Variants in LARP1B observed in about 807,000 individuals in gnomAD.
LARP1B encodes la-related protein 1B.
Under a neutral mutation model 114.2 loss-of-function variants are expected in LARP1B, and 76 were observed. That is an observed-to-expected ratio of 0.67 (90% CI 0.55 to 0.81). The LOEUF (loss-of-function observed/expected upper bound fraction) is 0.81, where lower values mean the gene tolerates loss of function less well. LARP1B is among the 30% of genes least tolerant of loss of function. LARP1B has a pLI of 0.00. For synonymous variants in LARP1B, 345 were observed against 348.0 expected (o/e 0.99, Z 0.10); for missense variants, 1,014 against 1,075.8 (o/e 0.94, Z 0.80).
intron 12 of LARP1B, among the ~76,000 whole-genome samples, chr4:128,173,864 C>A (rs1046229871): frequency 8.5e-5 from 13 of 152,104 alleles, no homozygotes; most frequent in Non-Finnish European, 1.6e-4. Context: ...CACCACAGTC[C>A]GGTTTTAGAA....
chr4:128,145,259 G>A (rs961875940), intron 11 of LARP1B, among the ~76,000 whole-genome samples: 24 of 152,164 alleles, frequency 1.6e-4, no homozygotes, highest in African/African-American at 4.3e-4. Flanking sequence ...AGTGAGTCTA[G>A]AGTAGGTCTT....
At chr4:128,126,153 T>G (rs7669406) in intron 11 of LARP1B, among the ~76,000 whole-genome samples, 88,956 of 146,384 alleles carry the variant, frequency 0.61, 27,740 homozygotes, top group Middle Eastern at 0.81. Context: ...ATGGAGTCTC[T>G]CTCCGTCACC....
chr4:128,190,330 GTTCT>G (rs1440239449), intron 15 of LARP1B, among the ~76,000 whole-genome samples: 3 of 152,018 alleles, frequency 2.0e-5, no homozygotes, highest in Non-Finnish European at 4.4e-5. Flanking sequence ...TCTTTTATAT[GTTCT>G]TTTATTTTTT....
intron 1 of LARP1B, chr4:128,069,677 A>G: frequency 2.1e-6 from 1 of 475,034 alleles, no homozygotes; most frequent in Non-Finnish European, 3.8e-6. Flanking sequence ...AAATCACAAT[A>G]TGGGTTTATT....
At chr4:128,123,525 A>G (rs180850142) in intron 11 of LARP1B, 14 of 462,596 alleles carry the variant, frequency 3.0e-5, no homozygotes, top group Middle Eastern at 1.1e-3. Context: ...CTATAATTCT[A>G]TATATTTTAC....
At chr4:128,169,908 A>T (rs963064445) in intron 12 of LARP1B, among the ~76,000 whole-genome samples, 2 of 152,152 alleles carry the variant, frequency 1.3e-5, no homozygotes, top group Admixed American at 6.6e-5. Context: ...AAGTGCTGGG[A>T]TTACAGGCAT....
At chr4:128,161,954 G>T (rs1000227112) in intron 11 of LARP1B, among the ~76,000 whole-genome samples, 1 of 152,068 alleles carries the variant, frequency 6.6e-6, no homozygotes, top group African/African-American at 2.4e-5. Flanking sequence ...ATTAGTATGT[G>T]TGGTCTTATA....
Position 128,107,120 on chromosome 4 carries a change from G to T in LARP1B, c.814-19G>T. 6.3e-7 allele frequency: 1 copy of T among 1,599,744 alleles called. No individual in the cohort carries two copies. Among genetic ancestry groups the T allele is most frequent in the Non-Finnish European group, 8.6e-7 (1 of 1,168,258 alleles). ...AGTGAAATAGCTCATAATTTTAATA[G>T]CTCAATTTCTGTTAATAGGCACTGA... On this transcript the variant is annotated intron_variant, in intron 8 of 19. Coordinates refer to ENST00000326639, the MANE Select transcript of LARP1B (RefSeq NM_018078.4).
At chr4:128,113,383 CTG>C (rs1022010707) in intron 9 of LARP1B, among the ~76,000 whole-genome samples, 1 of 138,792 alleles carries the variant, frequency 7.2e-6, no homozygotes, top group Non-Finnish European at 1.5e-5. Context: ...GAGAGTTGCT[CTG>C]TCGCCCAGGC....
At chr4:128,181,962 C>T (rs1157358099) in intron 15 of LARP1B, among the ~76,000 whole-genome samples, 3 of 151,068 alleles carry the variant, frequency 2.0e-5, no homozygotes, top group African/African-American at 4.9e-5. Flanking sequence ...CCCGCCACCA[C>T]GCCTGGCTAA....
At chr4:128,114,047 A>C (rs534757445) in intron 9 of LARP1B, among the ~76,000 whole-genome samples, 139 of 152,344 alleles carry the variant, frequency 9.1e-4, no homozygotes, top group African/African-American at 3.2e-3. Context: ...CCAAAGTAGT[A>C]AATGACTACA....
intron 11 of LARP1B, among the ~76,000 whole-genome samples, chr4:128,152,454 G>A (rs755159696): frequency 3.3e-5 from 5 of 151,750 alleles, no homozygotes; most frequent in African/African-American, 9.7e-5. Flanking sequence ...CACCTGCCTC[G>A]GCCTCCCAAA....
At chr4:128,168,449 G>A (rs1581224095) in intron 12 of LARP1B, among the ~76,000 whole-genome samples, 3 of 152,050 alleles carry the variant, frequency 2.0e-5, no homozygotes, top group Admixed American at 2.0e-4. Context: ...TGAGCTTTGA[G>A]AGTTCTTTAC....
At chr4:128,212,285 C>T (rs370052068), downstream of LARP1B, among the ~76,000 whole-genome samples, 33 of 152,138 alleles carry the variant, frequency 2.2e-4, 1 homozygote, top group South Asian at 4.6e-3. Flanking sequence ...GTGAATATGC[C>T]GAGTTTACGT....
Position 128,082,295 on chromosome 4 carries a change from T to C in LARP1B, c.348T>C (p.Asn116=), listed in dbSNP as rs768059491. 1 of 1,613,708 alleles carries C rather than the reference T, an allele frequency of 6.2e-7. No individual in the cohort carries two copies. Among genetic ancestry groups the C allele is most frequent in the Non-Finnish European group, 8.5e-7 (1 of 1,179,836 alleles). Residue 116 remains asparagine (N), a synonymous_variant, in exon 5 of 20, where the codon AAT becomes AAC. Coordinates refer to ENST00000326639, the MANE Select transcript of LARP1B (RefSeq NM_018078.4). ...ANKPTHNNRR[N]DTRSWKRDRE... ...AACCAACACATAACAATAGGAGAAA[T>C]GATACACGAAGTAAGTTACCATTCT...
At position 128,162,336 on chromosome 4, in the gene LARP1B, G is replaced by A. The variant is rs1738865139; in HGVS notation, c.1648+19G>A. On this transcript the variant is annotated intron_variant, in intron 12 of 19. Coordinates refer to ENST00000326639, the MANE Select transcript of LARP1B (RefSeq NM_018078.4). ...AGGCAAGGTATGTAAATCTGCTTTT[G>A]TGTAAGTGTCTGAATAGTATTAAAG... 12 of 1,607,268 alleles carry A rather than the reference G, an allele frequency of 7.5e-6. No individual in the cohort carries two copies. Among genetic ancestry groups the A allele is most frequent in the Non-Finnish European group, 1.0e-5 (12 of 1,176,796 alleles).
At chr4:128,123,661 A>G (rs1224783197) in intron 11 of LARP1B, 5 of 767,832 alleles carry the variant, frequency 6.5e-6, no homozygotes, top group Non-Finnish European at 7.9e-6. Context: ...GAAATGTTCA[A>G]TTCATGTTTG....
chr4:128,219,148 G>A (rs958112980), intron 6 of LARP1B, among the ~76,000 whole-genome samples: 27 of 151,164 alleles, frequency 1.8e-4, no homozygotes, highest in Non-Finnish European at 3.4e-4. Context: ...GGAAACAACA[G>A]GTGCTGGAGA....
intron 1 of LARP1B, among the ~76,000 whole-genome samples, chr4:128,062,858 G>A (rs890170183): frequency 1.3e-5 from 2 of 152,044 alleles, no homozygotes; most frequent in Non-Finnish European, 2.9e-5. Flanking sequence ...GGCTGCACAT[G>A]TATACATGTG....
Sources: gnomAD v4.1 joint callset for allele counts (sites outside exome capture counted in the v4.1 genomes callset) on GRCh38, gnomAD v4.1.1 for gene constraint, MANE v1.5 for transcripts, NCBI Gene and HGNC (gene_info 2026-07-23, HGNC 2026-07-21) for gene names.